The following SMYD3 variants were observed in gnomAD, a reference collection of about 807,000 sequenced individuals.
SMYD3 encodes SET and MYND domain containing 3, also known as histone-lysine N-methyltransferase SMYD3.
Under a neutral mutation model 57.7 loss-of-function variants are expected in SMYD3, and 36 were observed. That is an observed-to-expected ratio of 0.62 (90% CI 0.48 to 0.82). The LOEUF (loss-of-function observed/expected upper bound fraction) is 0.82. Ranked by LOEUF, SMYD3 falls within the 40% of genes least tolerant of loss-of-function variation. The pLI is 0.00. For missense variants in SMYD3, 515 were observed against 538.8 expected (o/e 0.96, Z 0.44); for synonymous variants, 211 against 195.0 (o/e 1.08, Z -0.68).
At chr1:246,155,474 C>T (rs182737822) in intron 5 of SMYD3, among the ~76,000 whole-genome samples, 1 of 152,170 alleles carries the variant, frequency 6.6e-6, no homozygotes, top group African/African-American at 2.4e-5. Flanking sequence ...TCAACCAGTG[C>T]TGCTCTATAA....
At chr1:246,398,486 C>A (rs1258294090) in intron 1 of SMYD3, among the ~76,000 whole-genome samples, 1 of 152,194 alleles carries the variant, frequency 6.6e-6, no homozygotes, top group African/African-American at 2.4e-5. Flanking sequence ...GTAAAAGCTA[C>A]CATAGAGAGA....
intron 8 of SMYD3, among the ~76,000 whole-genome samples, chr1:245,901,210 C>A (rs1235398334): frequency 6.6e-6 from 1 of 152,122 alleles, no homozygotes; most frequent in Non-Finnish European, 1.5e-5. Context: ...GGTTTTGCCA[C>A]TTTTTCCTTT....
At chr1:246,128,698 A>G (rs2061543014) in intron 5 of SMYD3, among the ~76,000 whole-genome samples, 1 of 152,042 alleles carries the variant, frequency 6.6e-6, no homozygotes, top group South Asian at 2.1e-4. Flanking sequence ...CACAACAGAA[A>G]CTCAGTAGAG....
At chr1:246,341,131 G>A (rs1023038911) in intron 2 of SMYD3, among the ~76,000 whole-genome samples, 1 of 152,206 alleles carries the variant, frequency 6.6e-6, no homozygotes, top group African/African-American at 2.4e-5. Flanking sequence ...TCTACAAAGA[G>A]CATGGAGTTT....
chr1:246,179,027 A>G (rs2062484258), intron 5 of SMYD3: 1 of 153,102 alleles, frequency 6.5e-6, no homozygotes, highest in African/African-American at 2.4e-5. Flanking sequence ...GGAGGATTCA[A>G]GGGCTCAGAT....
chr1:245,940,772 G>A (rs1350985346), intron 5 of SMYD3, among the ~76,000 whole-genome samples: 1 of 152,164 alleles, frequency 6.6e-6, no homozygotes, highest in Non-Finnish European at 1.5e-5. Context: ...TCAAATGACT[G>A]CAACATCTCT....
At chr1:246,506,284 T>C (rs926205363) in intron 1 of SMYD3, among the ~76,000 whole-genome samples, 3 of 152,170 alleles carry the variant, frequency 2.0e-5, no homozygotes, top group African/African-American at 7.2e-5. Flanking sequence ...ACATAGCACT[T>C]TACACCGGCA....
rs1319945788 is a variant in SMYD3 at position 246,203,740 on chromosome 1, C to T, written c.531+123461G>A. On this transcript the variant is annotated intron_variant, in intron 5 of 11. Transcript: ENST00000490107. This position sits in a 1 kb window ranked among gnomAD's most constrained non-coding sequence, Gnocchi z 4.6. ...ACATCAACATATGAATTTGCGGGGA[C>T]ACAGTTCAGCCCAGAACACACTCTC... Among the ~76,000 whole-genome samples the T allele has an allele frequency of 1.3e-5, 2 of 152,184 alleles. No individual in the cohort carries two copies. Among genetic ancestry groups the T allele is most frequent in the Non-Finnish European group, 2.9e-5 (2 of 68,028 alleles).
At chr1:246,262,139 T>G (rs999083177) in intron 5 of SMYD3, among the ~76,000 whole-genome samples, 1 of 152,210 alleles carries the variant, frequency 6.6e-6, no homozygotes, top group Non-Finnish European at 1.5e-5. Context: ...CAGAACAGAA[T>G]TAAATTTGAG....
At chr1:246,241,483 A>C (rs2063608892) in intron 5 of SMYD3, among the ~76,000 whole-genome samples, 2 of 152,148 alleles carry the variant, frequency 1.3e-5, no homozygotes, top group South Asian at 4.1e-4. Context: ...GTGCTGCTGG[A>C]TTCGGTTTGC....
intron 8 of SMYD3, among the ~76,000 whole-genome samples, chr1:245,894,374 G>C (rs1245862009): frequency 6.6e-6 from 1 of 152,062 alleles, no homozygotes; most frequent in East Asian, 1.9e-4. Flanking sequence ...GGACAAATAA[G>C]GGAATAAAAC....
intron 1 of SMYD3, among the ~76,000 whole-genome samples, chr1:246,394,882 A>G (rs185704366): frequency 5.5e-4 from 84 of 151,980 alleles, no homozygotes; most frequent in African/African-American, 1.9e-3. Context: ...TTTCTTATAT[A>G]AGACAGACCC....
intron 5 of SMYD3, among the ~76,000 whole-genome samples, chr1:246,187,287 CA>C (rs201777727): frequency 1.4e-3 from 150 of 110,402 alleles, no homozygotes; most frequent in Non-Finnish European, 1.5e-3. Flanking sequence ...GACTCTGTCT[CA>C]AAAAAAAAAA....
At chr1:245,858,291 G>C (rs913398803) in intron 10 of SMYD3, among the ~76,000 whole-genome samples, 1 of 152,204 alleles carries the variant, frequency 6.6e-6, no homozygotes, top group African/African-American at 2.4e-5. Flanking sequence ...TCTGACACAT[G>C]GAAGGAACTT....
intron 1 of SMYD3, among the ~76,000 whole-genome samples, chr1:246,487,218 G>A (rs1036834397): frequency 4.8e-5 from 7 of 147,332 alleles, no homozygotes; most frequent in East Asian, 2.0e-4. Flanking sequence ...GAGGCCAAGC[G>A]AGTGGATCAC....
At chr1:245,827,242 T>C (rs2049553524) in intron 10 of SMYD3, among the ~76,000 whole-genome samples, 1 of 152,272 alleles carries the variant, frequency 6.6e-6, no homozygotes, top group Admixed American at 6.5e-5. Context: ...CAGCTCCCTC[T>C]GACTCTACAG....
chr1:245,968,059 C>T (rs1337316885), intron 5 of SMYD3, among the ~76,000 whole-genome samples: 2 of 152,126 alleles, frequency 1.3e-5, no homozygotes, highest in Admixed American at 6.5e-5. Context: ...GTTCCCTGAA[C>T]GAAATACATG....
chr1:246,444,194 T>A (rs912395346), intron 1 of SMYD3, among the ~76,000 whole-genome samples: 1 of 151,098 alleles, frequency 6.6e-6, no homozygotes, highest in Non-Finnish European at 1.5e-5. Flanking sequence ...GTGCTTGATC[T>A]CCGCTCACTG....
intron 10 of SMYD3, among the ~76,000 whole-genome samples, chr1:245,771,273 G>C (rs1204126297): frequency 6.6e-6 from 1 of 152,130 alleles, no homozygotes; most frequent in Non-Finnish European, 1.5e-5. Flanking sequence ...AAAGAAGAAG[G>C]ATGAGGGATA....
Sources: gnomAD v4.1 joint callset for allele counts (sites outside exome capture counted in the v4.1 genomes callset) on GRCh38, gnomAD v4.1.1 for gene constraint, Gnocchi (gnomAD v3.1) non-coding constraint, MANE v1.5 for transcripts, NCBI Gene and HGNC (gene_info 2026-07-23, HGNC 2026-07-21) for gene names.